CHN2: variants seen among roughly 807,000 people sequenced by gnomAD.
CHN2 encodes beta-chimaerin.
In CHN2, 35 loss-of-function variants were observed where a neutral mutation model predicts 56.3. That is an observed-to-expected ratio of 0.62 (90% CI 0.47 to 0.82). CHN2 has a LOEUF of 0.82. CHN2 is among the 40% of genes least tolerant of loss of function. CHN2 has a pLI of 0.00. For synonymous variants in CHN2, 210 were observed against 212.8 expected, an observed-to-expected ratio of 0.99 and a Z score of 0.12; for missense variants, 491 against 580.5, an observed-to-expected ratio of 0.85 and a Z score of 1.58.
chr7:29,224,925 C>T (rs576615929), intron 1 of CHN2, among the ~76,000 whole-genome samples: 2 of 152,260 alleles, frequency 1.3e-5, no homozygotes, highest in Non-Finnish European at 2.9e-5. Flanking sequence ...GAGTAAAACA[C>T]ATATCATCTC....
intron 2 of CHN2, among the ~76,000 whole-genome samples, chr7:29,149,647 A>G (rs553063352): frequency 1.3e-5 from 2 of 152,312 alleles, no homozygotes; most frequent in South Asian, 4.1e-4. Context: ...TCTGGAGGCT[A>G]CAAGTCTGAA....
At chr7:29,218,453 G>A (rs917305539) in intron 1 of CHN2, among the ~76,000 whole-genome samples, 1 of 152,064 alleles carries the variant, frequency 6.6e-6, no homozygotes, top group South Asian at 2.1e-4. Context: ...CCATTACTGG[G>A]TATATACCCA....
intron 3 of CHN2, among the ~76,000 whole-genome samples, chr7:29,371,387 A>G (rs1042182244): frequency 6.6e-6 from 1 of 152,206 alleles, no homozygotes; most frequent in Non-Finnish European, 1.5e-5. Flanking sequence ...TTGAAGCTTT[A>G]CTACTGCAAA....
intron 2 of CHN2, among the ~76,000 whole-genome samples, chr7:29,180,164 C>G (rs1195857687): frequency 6.6e-6 from 1 of 152,166 alleles, no homozygotes; most frequent in Non-Finnish European, 1.5e-5. Context: ...GAAAATATTT[C>G]ACATCAAACA....
chr7:29,434,535 C>T (rs1783084736), intron 6 of CHN2, among the ~76,000 whole-genome samples: 1 of 152,156 alleles, frequency 6.6e-6, no homozygotes, highest in South Asian at 2.1e-4. Flanking sequence ...ATTCCAATCT[C>T]TGCCTCCATT....
rs146559950 is a variant in CHN2 at position 29,421,359 on chromosome 7, G to A, written c.576+20531G>A. ...CATTTCCTGCCTTTGGGCTACTTTA[G>A]TGCCTCTCAGAAGTGTCCTCAGGGA... is the stretch of plus-strand genomic sequence containing the variant. On this transcript the variant is annotated intron_variant, in intron 6 of 12. Transcript: ENST00000222792. Among the ~76,000 whole-genome samples, 737 of 152,200 alleles carry A rather than the reference G, an allele frequency of 4.8e-3. 5 individuals carry two copies. Among genetic ancestry groups the A allele is most frequent in the Non-Finnish European group, 8.6e-3 (585 of 68,010 alleles).
At chr7:29,154,292 G>A (rs1794034387) in intron 2 of CHN2, among the ~76,000 whole-genome samples, 1 of 152,170 alleles carries the variant, frequency 6.6e-6, no homozygotes, top group Non-Finnish European at 1.5e-5. Flanking sequence ...CAGTGTAAAT[G>A]CTGGAGATCA....
chr7:29,277,240 T>G (rs2128855733), intron 1 of CHN2, among the ~76,000 whole-genome samples: 2 of 152,292 alleles, frequency 1.3e-5, no homozygotes, highest in Middle Eastern at 6.8e-3. Flanking sequence ...CACTTTGTAA[T>G]TGAATGGTCA....
chr7:29,318,762 C>T (rs1404681526), intron 1 of CHN2, among the ~76,000 whole-genome samples: 1 of 152,148 alleles, frequency 6.6e-6, no homozygotes, highest in Non-Finnish European at 1.5e-5. Context: ...TTAACAGATT[C>T]TGCACAGTAA....
intron 1 of CHN2, chr7:29,292,947 G>A (rs548695858): frequency 3.5e-5 from 16 of 456,226 alleles, no homozygotes; most frequent in South Asian, 2.0e-4. Flanking sequence ...CCAGAAGCCC[G>A]AGAGAGCTTC....
chr7:29,445,750 G>C (rs1173802794), intron 6 of CHN2, among the ~76,000 whole-genome samples: 1 of 151,394 alleles, frequency 6.6e-6, no homozygotes, highest in Non-Finnish European at 1.5e-5. Flanking sequence ...TATTTATTGA[G>C]TCCCAAGGAG....
intron 3 of CHN2, among the ~76,000 whole-genome samples, chr7:29,371,797 C>A (rs563675672): frequency 6.6e-6 from 1 of 152,250 alleles, no homozygotes; most frequent in African/African-American, 2.4e-5. Flanking sequence ...TACCCTCACC[C>A]CTTTCTCCTC....
intron 1 of CHN2, among the ~76,000 whole-genome samples, chr7:29,245,360 A>G (rs1051847360): frequency 3.3e-5 from 5 of 152,250 alleles, no homozygotes; most frequent in Admixed American, 6.5e-5. Flanking sequence ...CCAGGGAACA[A>G]TGATAGAATT....
intron 1 of CHN2, among the ~76,000 whole-genome samples, chr7:29,219,171 T>G (rs1292593072): frequency 6.6e-6 from 1 of 152,176 alleles, no homozygotes; most frequent in African/African-American, 2.4e-5. Flanking sequence ...GGCCAAATTA[T>G]ACTCATGTGT....
At chr7:29,188,652 T>A (rs1397317760) in intron 2 of CHN2, among the ~76,000 whole-genome samples, 1 of 152,040 alleles carries the variant, frequency 6.6e-6, no homozygotes, top group Admixed American at 6.6e-5. Flanking sequence ...ACATTCAGAG[T>A]ACAGGATCTG....
chr7:29,168,718 C>G (rs1190403600), intron 2 of CHN2, among the ~76,000 whole-genome samples: 1 of 152,212 alleles, frequency 6.6e-6, no homozygotes, highest in East Asian at 1.9e-4. Context: ...CTCAGCTAAT[C>G]AGATGGCTAA....
intron 3 of CHN2, among the ~76,000 whole-genome samples, chr7:29,376,625 T>A (rs1189113885): frequency 1.3e-5 from 2 of 152,216 alleles, no homozygotes; most frequent in Non-Finnish European, 2.9e-5. Flanking sequence ...GCTTTCTATT[T>A]CATCCTTCCT....
intron 7 of CHN2, among the ~76,000 whole-genome samples, chr7:29,487,201 G>GT (rs1205640193): frequency 3.8e-5 from 4 of 104,554 alleles, no homozygotes; most frequent in Non-Finnish European, 8.0e-5. Flanking sequence ...TTGGGGGCTT[G>GT]TTTTGTTTTT....
intron 6 of CHN2, among the ~76,000 whole-genome samples, chr7:29,408,929 T>C (rs938685167): frequency 3.9e-5 from 6 of 152,172 alleles, no homozygotes; most frequent in African/African-American, 1.4e-4. Flanking sequence ...CGAGAAAGTA[T>C]TTTCTATGCA....
Sources: gnomAD v4.1 joint callset for allele counts (sites outside exome capture counted in the v4.1 genomes callset) on GRCh38, gnomAD v4.1.1 for gene constraint, MANE v1.5 for transcripts, NCBI Gene and HGNC (gene_info 2026-07-23, HGNC 2026-07-21) for gene names.